Variants in RHBDL3 observed in about 807,000 individuals in gnomAD.
RHBDL3 encodes rhomboid like 3, also known as rhomboid-related protein 3.
Under a neutral mutation model 48.2 loss-of-function variants are expected in RHBDL3, and 28 were observed. The observed-to-expected ratio is 0.58, with a 90% CI of 0.43 to 0.80. The LOEUF is 0.80. RHBDL3 is among the 30% of genes least tolerant of loss of function. The pLI, the probability that RHBDL3 is intolerant of heterozygous loss-of-function variation, is 0.00. For missense variants in RHBDL3, 464 were observed against 542.7 expected (o/e 0.85, Z 1.44); for synonymous variants, 208 against 232.3 (o/e 0.90, Z 0.95).
At chr17:32,311,347 G>A (rs1478499815) in intron 7 of RHBDL3, among the ~76,000 whole-genome samples, 1 of 152,198 alleles carries the variant, frequency 6.6e-6, no homozygotes, top group Non-Finnish European at 1.5e-5. Flanking sequence ...ATTGGATTAG[G>A]GAAGTAAGGC....
chr17:32,272,731 A>T (rs2039800936), intron 2 of RHBDL3, among the ~76,000 whole-genome samples: 1 of 152,238 alleles, frequency 6.6e-6, no homozygotes, highest in South Asian at 2.1e-4. Context: ...GCTTTGGGCA[A>T]CAGGGCCGAG....
In RHBDL3 at chr17:32,321,449, G is replaced by T; in HGVS notation, c.*220G>T. The T allele has an allele frequency of 2.9e-6, 4 of 1,364,532 alleles. No individual in the cohort carries two copies. The highest frequency in any genetic ancestry group is 3.0e-6 in the Non-Finnish European group (3 of 1,007,174). 84.5% of individuals were successfully genotyped at this position (1,364,532 alleles called of 1,614,324 possible). The stretch of plus-strand genomic sequence containing the variant: ...GATGTGGCTGCTGTCGTTTTTCTCG[G>T]CTGCTCTGATGACATCGGGCCAGGG... On this transcript the variant is annotated 3_prime_UTR_variant, in exon 9 of 9. Coordinates refer to ENST00000269051, the MANE Select transcript of RHBDL3 (RefSeq NM_138328.3).
At chr17:32,286,540 T>G (rs887783668) in intron 3 of RHBDL3, among the ~76,000 whole-genome samples, 1 of 152,154 alleles carries the variant, frequency 6.6e-6, no homozygotes, top group East Asian at 1.9e-4. Flanking sequence ...GTAGAATAGA[T>G]CCAAAGGATC....
intron 1 of RHBDL3, 131 bp downstream of exon 1, chr17:32,266,431 C>T (rs147647836): frequency 0.026 from 11,881 of 455,496 alleles, 233 homozygotes; most frequent in Non-Finnish European, 0.035. Flanking sequence ...TGGCCGGGTC[C>T]CCGCGGGCAG....
chr17:32,276,813 ACAGTACT>A, intron 2 of RHBDL3, among the ~76,000 whole-genome samples: 1 of 95,202 alleles, frequency 1.1e-5, no homozygotes, highest in African/African-American at 8.8e-5. Flanking sequence ...CGGCCCTAGC[ACAGTACT>A]CCGGCCCTAG....
chr17:32,267,872 C>A (rs1287737060), intron 1 of RHBDL3, 30 bp from the exon 2 acceptor site: 1 of 1,613,818 alleles, frequency 6.2e-7, no homozygotes, highest in African/African-American at 1.3e-5. Context: ...TCCTCTTCTT[C>A]CTCTCCTGCA....
rs763183513 is a variant in RHBDL3, at chr17:32,288,981, C to T, written c.484C>T (p.Pro162Ser). Reference sequence around the variant, plus strand: ...CTATGACAGCTACACCTGCTGCCCCCCACCCTGGTTCATGATCACAGTCAC... The same window carrying T: ...CTATGACAGCTACACCTGCTGCCCCTCACCCTGGTTCATGATCACAGTCAC... ...WYYDSYTCCP[P>S]PWFMITVTLL... The change falls in exon 4 of 9, where the codon CCA becomes TCA. Residue 162 changes from proline (P) to serine (S), a missense_variant. By Grantham distance (74) the Pro-to-Ser change is moderately conservative. Transcript: ENST00000269051. The T allele has an allele frequency of 4.3e-6, 7 of 1,614,062 alleles. No homozygotes were observed. The highest frequency in any genetic ancestry group is 2.2e-5 in the East Asian group (1 of 44,888).
chr17:32,299,616 A>T (rs1311622637), intron 6 of RHBDL3, among the ~76,000 whole-genome samples: 1 of 152,224 alleles, frequency 6.6e-6, no homozygotes, highest in Admixed American at 6.5e-5. Context: ...ATTCAATTAG[A>T]TGGGAATGCC....
At chr17:32,270,157 A>G (rs35938646) in intron 2 of RHBDL3, among the ~76,000 whole-genome samples, 1 of 137,766 alleles carries the variant, frequency 7.3e-6, no homozygotes, top group Non-Finnish European at 1.5e-5. Context: ...AAAAAAAAAA[A>G]GAAGCAAGCA....
intron 7 of RHBDL3, among the ~76,000 whole-genome samples, chr17:32,307,109 CT>C (rs1484104068): frequency 6.6e-6 from 1 of 152,040 alleles, no homozygotes; most frequent in Admixed American, 6.6e-5. Flanking sequence ...TATCAAAATC[CT>C]TTTTTTGGAG....
At chr17:32,311,371 C>T (rs996881181) in intron 7 of RHBDL3, among the ~76,000 whole-genome samples, 2 of 152,078 alleles carry the variant, frequency 1.3e-5, no homozygotes, top group African/African-American at 2.4e-5. Flanking sequence ...TGGTTGGAAG[C>T]GGGGACTCTC....
intron 2 of RHBDL3, among the ~76,000 whole-genome samples, chr17:32,275,682 CT>C (rs1163592555): frequency 1.3e-5 from 2 of 152,206 alleles, no homozygotes; most frequent in African/African-American, 4.8e-5. Flanking sequence ...ATCAGCCTGG[CT>C]GCCCCATCCT....
chr17:32,302,418 AC>A (rs2040605459), intron 6 of RHBDL3, among the ~76,000 whole-genome samples: 2 of 151,746 alleles, frequency 1.3e-5, no homozygotes, highest in African/African-American at 4.8e-5. Context: ...GTGTAGTGGC[AC>A]GATCTCGGCT....
intron 6 of RHBDL3, among the ~76,000 whole-genome samples, chr17:32,300,252 C>T (rs985149226): frequency 6.6e-6 from 1 of 152,138 alleles, no homozygotes; most frequent in Non-Finnish European, 1.5e-5. Flanking sequence ...AATTTATTGT[C>T]AGAAACCAAG....
At chr17:32,314,979 A>G (rs1209380117) in intron 7 of RHBDL3, among the ~76,000 whole-genome samples, 1 of 152,190 alleles carries the variant, frequency 6.6e-6, no homozygotes, top group Non-Finnish European at 1.5e-5. Flanking sequence ...ACTTTCTGTG[A>G]AGAAGGGGTT....
intron 7 of RHBDL3, among the ~76,000 whole-genome samples, chr17:32,309,770 CTTTTTTTTTTTTTT>C (rs11346917): frequency 1.1e-3 from 143 of 124,784 alleles, no homozygotes; most frequent in Admixed American, 1.4e-3. Flanking sequence ...ATCAAGACTT[CTTTTTTTTTTTTTT>C]TTTTTTTTTT....
rs570512301 is a variant in RHBDL3 at position 32,283,525 on chromosome 17, GTGTTAGCCAGGA to G, written c.136-1131_136-1120del. On this transcript the variant is annotated intron_variant, in intron 2 of 8. Coordinates refer to ENST00000269051, the MANE Select transcript of RHBDL3 (RefSeq NM_138328.3). ...TTTTTAGTAGAGACGGGGTTTCACC[GTGTTAGCCAGGA>G]TGGTCTCCATCTCCTGACCTTGTGA... is the stretch of plus-strand genomic sequence containing the variant. 1.8e-3 allele frequency among the ~76,000 whole-genome samples: 266 copies of G among 151,776 alleles called. 1 individual carries two copies. The highest frequency in any genetic ancestry group is 5.7e-3 in the African/African-American group (235 of 41,358).
At chr17:32,309,561 A>C (rs2040791777) in intron 7 of RHBDL3, among the ~76,000 whole-genome samples, 1 of 151,956 alleles carries the variant, frequency 6.6e-6, no homozygotes, top group Non-Finnish European at 1.5e-5. Flanking sequence ...TCAAAAAAGA[A>C]AAGAAAAAGC....
At chr17:32,281,963 C>T (rs139713744) in intron 2 of RHBDL3, among the ~76,000 whole-genome samples, 1,699 of 152,274 alleles carry the variant, frequency 0.011, 17 homozygotes, top group Non-Finnish European at 0.019. Context: ...TGCCGCTTGC[C>T]GGGCAAATCA....
Sources: allele counts gnomAD v4.1 joint callset (sites outside exome capture counted in the v4.1 genomes callset), GRCh38; gene constraint gnomAD v4.1.1; transcripts MANE v1.5; gene names NCBI Gene and HGNC (gene_info 2026-07-23, HGNC 2026-07-21).